The following ADARB2 variants were observed in gnomAD, a reference collection of about 807,000 sequenced individuals.
ADARB2 encodes inactive double-stranded RNA-specific editase B2.
Under a neutral mutation model 62.2 loss-of-function variants are expected in ADARB2, and 25 were observed. That is an observed-to-expected ratio of 0.40 (90% confidence interval 0.29 to 0.56). The LOEUF (loss-of-function observed/expected upper bound fraction) is 0.56, where lower values mean the gene tolerates loss of function less well. ADARB2 is among the 20% of genes least tolerant of loss of function. The pLI is 0.43. For missense variants in ADARB2, 1,071 were observed against 1,077.4 expected (o/e 0.99, Z 0.08); for synonymous variants, 572 against 500.8 (o/e 1.14, Z -1.90).
At chr10:1,594,357 C>T (rs995998891) in intron 1 of ADARB2, among the ~76,000 whole-genome samples, 10 of 152,220 alleles carry the variant, frequency 6.6e-5, no homozygotes, top group South Asian at 2.1e-4. Context: ...GACTGCCTCC[C>T]GGGGCGAGGT....
At chr10:1,452,099 G>C (rs564559396) in intron 1 of ADARB2, among the ~76,000 whole-genome samples, 1 of 152,280 alleles carries the variant, frequency 6.6e-6, no homozygotes, top group East Asian at 1.9e-4. Context: ...GCAGATGCCT[G>C]GCCAGGAGGC....
At chr10:1,243,144 C>T (rs1012572186) in intron 4 of ADARB2, among the ~76,000 whole-genome samples, 5 of 152,180 alleles carry the variant, frequency 3.3e-5, no homozygotes, top group Non-Finnish European at 5.9e-5. Context: ...TCAGTGTTGC[C>T]GATCCAATAA....
At chr10:1,693,147 C>A (rs1834694639) in intron 1 of ADARB2, among the ~76,000 whole-genome samples, 1 of 152,230 alleles carries the variant, frequency 6.6e-6, no homozygotes, top group African/African-American at 2.4e-5. Context: ...AATTATGGAA[C>A]AAATGGCTTT....
chr10:1,544,091 T>C (rs188872759), intron 1 of ADARB2, among the ~76,000 whole-genome samples: 28 of 151,958 alleles, frequency 1.8e-4, no homozygotes, highest in Middle Eastern at 3.5e-3. Flanking sequence ...CTGTGTGTTT[T>C]CCTGACCGTG....
At chr10:1,518,439 T>A (rs1020344381) in intron 1 of ADARB2, among the ~76,000 whole-genome samples, 1 of 152,166 alleles carries the variant, frequency 6.6e-6, no homozygotes, top group Non-Finnish European at 1.5e-5. Context: ...AGGACGGAGC[T>A]CTGCACTCCA....
intron 1 of ADARB2, among the ~76,000 whole-genome samples, chr10:1,513,492 T>A (rs1290904534): frequency 6.6e-6 from 1 of 151,894 alleles, no homozygotes; most frequent in Non-Finnish European, 1.5e-5. Flanking sequence ...CTGTGTGGAG[T>A]TCATGGCTCT....
At chr10:1,212,053 T>C (rs1484055420) in intron 7 of ADARB2, among the ~76,000 whole-genome samples, 1 of 152,206 alleles carries the variant, frequency 6.6e-6, no homozygotes, top group Non-Finnish European at 1.5e-5. Flanking sequence ...ACGTGTGTCC[T>C]CCTGCCGCTT....
At chr10:1,576,415 T>G (rs1379547702) in intron 1 of ADARB2, among the ~76,000 whole-genome samples, 2 of 150,992 alleles carry the variant, frequency 1.3e-5, no homozygotes, top group Non-Finnish European at 3.0e-5. Context: ...TCAGGATCAC[T>G]GGAGGGGCTC....
At chr10:1,258,133 T>C (rs185128261) in intron 4 of ADARB2, among the ~76,000 whole-genome samples, 4 of 152,118 alleles carry the variant, frequency 2.6e-5, no homozygotes, top group South Asian at 2.1e-4. Flanking sequence ...TCTCTTTCTC[T>C]CTCCCTCCCT....
intron 1 of ADARB2, among the ~76,000 whole-genome samples, chr10:1,602,060 G>T (rs1488437693): frequency 6.6e-6 from 1 of 152,190 alleles, no homozygotes; most frequent in Non-Finnish European, 1.5e-5. Context: ...GGTGCTGTGT[G>T]CAAACGGAGC....
At chr10:1,731,513 A>T (rs1454468493) in intron 1 of ADARB2, among the ~76,000 whole-genome samples, 2 of 152,122 alleles carry the variant, frequency 1.3e-5, no homozygotes, top group African/African-American at 4.8e-5. Context: ...TTTTATAAGC[A>T]TTGTTTCTTC....
chr10:1,715,161 A>G (rs1486621021), intron 1 of ADARB2, among the ~76,000 whole-genome samples: 1 of 151,952 alleles, frequency 6.6e-6, no homozygotes, highest in Admixed American at 6.5e-5. Context: ...GGTTGCTTTT[A>G]TTAGAAAGCA....
chr10:1,665,874 C>T (rs973802470), intron 1 of ADARB2, among the ~76,000 whole-genome samples: 28 of 152,314 alleles, frequency 1.8e-4, no homozygotes, highest in African/African-American at 5.8e-4. Flanking sequence ...TCACCAGAGG[C>T]CTCCAGGCCC....
At position 1,731,943 on chromosome 10, in the gene ADARB2, C is replaced by G. The variant is rs370780545; in HGVS notation, c.100+5108G>C. Among the ~76,000 whole-genome samples, 14 of 152,234 alleles carry G rather than the reference C, an allele frequency of 9.2e-5. No homozygotes were observed. The East Asian group carries it at 1.2e-3, about 13-fold the overall frequency. On this transcript the variant is annotated intron_variant, in intron 1 of 9. Transcript: ENST00000381312. ...CTTGCTTACAATGTGGAAAATTATC[C>G]TTTTAGAAATCTTGTGAGCTAGTAA... is the stretch of plus-strand genomic sequence containing the variant.
chr10:1,554,622 A>G (rs1244380102), intron 1 of ADARB2, among the ~76,000 whole-genome samples: 1 of 152,002 alleles, frequency 6.6e-6, no homozygotes, highest in Non-Finnish European at 1.5e-5. Flanking sequence ...ACGGTACTTC[A>G]GTTATTGTGG....
rs114818157 is a variant in ADARB2 at position 1,462,878 on chromosome 10, A to G, written c.101-83718T>C. Among the ~76,000 whole-genome samples the G allele has an allele frequency of 8.8e-3, 1,338 of 152,298 alleles. 18 individuals are homozygous for G. The highest frequency in any genetic ancestry group is 0.031 in the African/African-American group (1,274 of 41,548). ...TGCATGTGTATGTGAATGTATGTGC[A>G]TGAGTGTAGGCATAGGCATTTATAT... On this transcript the variant is annotated intron_variant, in intron 1 of 9. Coordinates refer to ENST00000381312, the MANE Select transcript of ADARB2 (RefSeq NM_018702.4).
chr10:1,267,995 G>A (rs1191988481), intron 4 of ADARB2, among the ~76,000 whole-genome samples: 1 of 152,216 alleles, frequency 6.6e-6, no homozygotes, highest in Non-Finnish European at 1.5e-5. Context: ...GAGAGAGGCT[G>A]GCTAGTGGGG....
At chr10:1,217,162 G>T in intron 6 of ADARB2, 43 bp from the exon 7 acceptor site, 1 of 1,505,344 alleles carries the variant, frequency 6.6e-7, no homozygotes, top group Admixed American at 2.1e-5. Flanking sequence ...GAGGGAAGCC[G>T]CCTTGGTTTT....
In ADARB2 at chr10:1,510,122, T is replaced by C. The variant is rs2813442; in HGVS notation, c.101-130962A>G. On this transcript the variant is annotated intron_variant, in intron 1 of 9. Transcript: ENST00000381312. ...TTTCTTTCTTTCTCTCTTTCTTTCT[T>C]TCTTTCTTTCTTTCTTTCTTTCTTT... is the stretch of plus-strand genomic sequence containing the variant. 7.6e-3 allele frequency among the ~76,000 whole-genome samples: 880 copies of C among 115,326 alleles called. 13 individuals carry two copies. Among genetic ancestry groups the C allele is most frequent in the African/African-American group, 0.029 (815 of 27,774 alleles). 75.7% of individuals were successfully genotyped at this position (115,326 alleles called of 152,430 possible). A position where few individuals can be genotyped will look rare whatever the true frequency, so the allele number is the denominator to read the frequency against.
Sources: gnomAD v4.1 joint callset for allele counts (sites outside exome capture counted in the v4.1 genomes callset) on GRCh38, gnomAD v4.1.1 for gene constraint, MANE v1.5 for transcripts, NCBI Gene and HGNC (gene_info 2026-07-23, HGNC 2026-07-21) for gene names.